ASRGL1: variants seen among roughly 807,000 people sequenced by gnomAD.
ASRGL1 encodes asparaginase and isoaspartyl peptidase 1, also known as isoaspartyl peptidase/L-asparaginase.
In ASRGL1, 16 loss-of-function variants were observed where a neutral mutation model predicts 22.4. The observed-to-expected ratio is 0.71, with a 90% CI of 0.48 to 1.08. The LOEUF (loss-of-function observed/expected upper bound fraction) is 1.08. Ranked by LOEUF, ASRGL1 falls within the 50% of genes least tolerant of loss-of-function variation. ASRGL1 has a pLI of 0.00. For missense variants in ASRGL1, 412 were observed against 410.1 expected (o/e 1.00, Z -0.04); for synonymous variants, 165 against 159.3 (o/e 1.04, Z -0.27).
chr11:62,342,758 C>CA lies in ASRGL1; in HGVS notation c.190+4604dup, dbSNP rs199845646. 3.4e-3 allele frequency among the ~76,000 whole-genome samples: 442 copies of CA among 130,538 alleles called. 3 individuals are homozygous for CA. Among genetic ancestry groups the CA allele is most frequent in the African/African-American group, 8.0e-3 (282 of 35,390 alleles). 85.6% of individuals were successfully genotyped at this position (130,538 alleles called of 152,430 possible). A position where few individuals can be genotyped will look rare whatever the true frequency, so the allele number is the denominator to read the frequency against. ...GAGCAGCAAAGAGAGACTCTGTCTC[C>CA]AAAAAAAAAAAAAGTCATAAATGGA... On this transcript the variant is annotated intron_variant, in intron 2 of 6. Transcript: ENST00000415229.
chr11:62,350,137 T>C (rs1252506288), intron 2 of ASRGL1, among the ~76,000 whole-genome samples: 2 of 152,178 alleles, frequency 1.3e-5, no homozygotes, highest in Non-Finnish European at 2.9e-5. Context: ...TTTACTCAGC[T>C]CCTATTCAAG....
chr11:62,397,187 GCCCA>G (rs1250074019), downstream of ASRGL1, among the ~76,000 whole-genome samples: 1 of 152,012 alleles, frequency 6.6e-6, no homozygotes, highest in Non-Finnish European at 1.5e-5. Flanking sequence ...ACGCCACCAC[GCCCA>G]GCTAATTTTT....
chr11:62,352,175 A>G (rs1266961087), intron 2 of ASRGL1, among the ~76,000 whole-genome samples: 1 of 152,202 alleles, frequency 6.6e-6, no homozygotes, highest in Non-Finnish European at 1.5e-5. Flanking sequence ...GTCCTGAACC[A>G]ATAGGATTAG....
rs2277281 is a variant in ASRGL1 at position 62,337,540 on chromosome 11, T to G, written c.-123T>G. ...GCTGCGGGGCTGGCTCGACCCAGCT[T>G]GAGGTCTCGGCGTCCGCGTCCTGCG... is the stretch of plus-strand genomic sequence containing the variant. On this transcript the variant is annotated 5_prime_UTR_variant, in exon 1 of 7. Transcript: ENST00000415229. The G allele has an allele frequency of 0.27, 43,775 of 161,426 alleles. 6,061 individuals carry two copies. Among genetic ancestry groups the G allele is most frequent in the South Asian group, 0.34 (2,165 of 6,280 alleles). The allele number at this position is 161,426 out of a possible 1,614,324, so 10.0% of individuals were successfully genotyped here. A position where few individuals can be genotyped will look rare whatever the true frequency, so the allele number is the denominator to read the frequency against.
At chr11:62,348,515 C>A (rs142408120) in intron 2 of ASRGL1, among the ~76,000 whole-genome samples, 6 of 151,880 alleles carry the variant, frequency 4.0e-5, no homozygotes, top group African/African-American at 9.7e-5. Flanking sequence ...ACCAGCCTGG[C>A]CAACATGCGA....
At chr11:62,391,983 T>A in intron 6 of ASRGL1, 96 bp from the exon 7 acceptor site, 1 of 1,429,698 alleles carries the variant, frequency 7.0e-7, no homozygotes, top group Non-Finnish European at 9.8e-7. Context: ...CCAAAAATCC[T>A]TGCTAGCTCA....
chr11:62,384,029 TGTGTGC>T (rs1947143138), intron 4 of ASRGL1, among the ~76,000 whole-genome samples: 2 of 135,404 alleles, frequency 1.5e-5, no homozygotes, highest in African/African-American at 2.7e-5. Flanking sequence ...TGTGTGCACG[TGTGTGC>T]GTGTGTGTGT....
chr11:62,367,263 G>A (rs1403928216), intron 4 of ASRGL1, among the ~76,000 whole-genome samples: 2 of 151,536 alleles, frequency 1.3e-5, no homozygotes, highest in Non-Finnish European at 2.9e-5. Context: ...GCATGAACCC[G>A]GGAGGAGGAG....
chr11:62,388,739 C>T lies in ASRGL1; in HGVS notation c.492-394C>T, dbSNP rs373764523. Among the ~76,000 whole-genome samples the T allele has an allele frequency of 3.5e-4, 53 of 150,290 alleles. 2 individuals are homozygous for T. The East Asian group carries it at 9.5e-3, about 27-fold the overall frequency. On this transcript the variant is annotated intron_variant, in intron 4 of 6. Transcript: ENST00000415229. Reference sequence around the variant, plus strand: ...TATCTACCAAGTCACTTTTTCCTTTCCTTTCTCCTCTTGGTGGCAGCTTCA... The same window carrying T: ...TATCTACCAAGTCACTTTTTCCTTTTCTTTCTCCTCTTGGTGGCAGCTTCA...
At chr11:62,346,051 G>A (rs1224684741) in intron 2 of ASRGL1, among the ~76,000 whole-genome samples, 1 of 152,138 alleles carries the variant, frequency 6.6e-6, no homozygotes, top group Non-Finnish European at 1.5e-5. Context: ...CAGTTCTGAC[G>A]CTGCCTCTCT....
chr11:62,352,059 G>A (rs1946179727), intron 2 of ASRGL1, among the ~76,000 whole-genome samples: 1 of 152,116 alleles, frequency 6.6e-6, no homozygotes, highest in Non-Finnish European at 1.5e-5. Context: ...TGGACTGAAT[G>A]TTTATGTCCC....
At chr11:62,352,137 T>C (rs1393556939) in intron 2 of ASRGL1, among the ~76,000 whole-genome samples, 2 of 152,086 alleles carry the variant, frequency 1.3e-5, no homozygotes, top group African/African-American at 4.8e-5. Flanking sequence ...AGGAAGTAAT[T>C]AAAATTAAGT....
chr11:62,400,607 T>C, the ASRGL1 span, among the ~76,000 whole-genome samples: 4 of 152,222 alleles, frequency 2.6e-5, no homozygotes, highest in African/African-American at 7.2e-5. Context: ...ATATTTTATG[T>C]TTTATGAAAC....
At chr11:62,386,514 GGAAA>G (rs1685702390) in intron 4 of ASRGL1, among the ~76,000 whole-genome samples, 1 of 68,588 alleles carries the variant, frequency 1.5e-5, no homozygotes, top group Admixed American at 1.5e-4. Flanking sequence ...ATGTATAGGG[GGAAA>G]GATAGTGTTT....
chr11:62,355,087 T>G (rs1356945945), intron 2 of ASRGL1, among the ~76,000 whole-genome samples: 1 of 151,016 alleles, frequency 6.6e-6, no homozygotes, highest in African/African-American at 2.4e-5. Flanking sequence ...CTGGCTAGTT[T>G]TTATATTTTT....
intron 4 of ASRGL1, among the ~76,000 whole-genome samples, chr11:62,359,470 A>C (rs1175874901): frequency 6.6e-6 from 1 of 152,202 alleles, no homozygotes; most frequent in African/African-American, 2.4e-5. Flanking sequence ...GAAATTAATA[A>C]TATATTTTAT....
At chr11:62,391,358 C>T (rs559080244) in intron 5 of ASRGL1, 164 bp from the exon 6 acceptor site, 35 of 1,085,144 alleles carry the variant, frequency 3.2e-5, no homozygotes, top group South Asian at 5.5e-5. Context: ...ATCTACATGA[C>T]GCTTTCTAGT....
chr11:62,401,177 G>C, the ASRGL1 span, among the ~76,000 whole-genome samples: 5 of 152,242 alleles, frequency 3.3e-5, no homozygotes, highest in Non-Finnish European at 5.9e-5. Context: ...CAAACTAGGT[G>C]CTGTGCCTGT....
intron 4 of ASRGL1, among the ~76,000 whole-genome samples, chr11:62,378,274 T>C (rs532480968): frequency 6.6e-6 from 1 of 152,334 alleles, no homozygotes; most frequent in Non-Finnish European, 1.5e-5. Flanking sequence ...CAGTCCAGCA[T>C]TGGCAACCTC....
Sources: allele counts gnomAD v4.1 joint callset (sites outside exome capture counted in the v4.1 genomes callset), GRCh38; gene constraint gnomAD v4.1.1; transcripts MANE v1.5; gene names NCBI Gene and HGNC (gene_info 2026-07-23, HGNC 2026-07-21).